CSMD1: variants seen among roughly 807,000 people sequenced by gnomAD.
CSMD1 encodes CUB and sushi domain-containing protein 1.
Under a neutral mutation model 417.5 loss-of-function variants are expected in CSMD1, and 213 were observed. That is an observed-to-expected ratio of 0.51 (90% CI 0.46 to 0.57). The LOEUF (loss-of-function observed/expected upper bound fraction) is 0.57. Among genes scored for constraint, CSMD1 ranks in the 20% least tolerant of loss-of-function variants. The pLI is 0.00. For missense variants in CSMD1, 6,923 were observed against 4,529.7 expected (o/e 1.53, Z -15.17); for synonymous variants, 2,862 against 1,736.8 (o/e 1.65, Z -16.11).
chr8:4,415,664 T>G (rs1460798377), intron 3 of CSMD1, among the ~76,000 whole-genome samples: 1 of 152,220 alleles, frequency 6.6e-6, no homozygotes, highest in Non-Finnish European at 1.5e-5. Context: ...CTTAACTCAG[T>G]ATTGTGTCTC....
chr8:3,176,114 G>T (rs1011163710), intron 37 of CSMD1, among the ~76,000 whole-genome samples: 1 of 152,136 alleles, frequency 6.6e-6, no homozygotes, highest in African/African-American at 2.4e-5. Flanking sequence ...ACAGAAATAC[G>T]TATAAGCTGA....
chr8:4,347,154 A>T (rs1800819885), intron 3 of CSMD1, among the ~76,000 whole-genome samples: 1 of 152,132 alleles, frequency 6.6e-6, no homozygotes, highest in South Asian at 2.1e-4. Context: ...TGGTGTGACA[A>T]CTGGGATCGG....
At chr8:3,107,904 C>T (rs762783632) in intron 44 of CSMD1, 106 bp from the exon 45 acceptor site, 76 of 694,222 alleles carry the variant, frequency 1.1e-4, no homozygotes, top group South Asian at 2.7e-4. Flanking sequence ...CTTAAGTACA[C>T]GGACTGAAAT....
intron 7 of CSMD1, among the ~76,000 whole-genome samples, chr8:3,623,094 A>T (rs914172166): frequency 6.6e-6 from 1 of 152,244 alleles, no homozygotes; most frequent in Non-Finnish European, 1.5e-5. Context: ...ATTAATATTA[A>T]AGAAAGATAT....
intron 57 of CSMD1, among the ~76,000 whole-genome samples, chr8:2,970,690 A>T (rs1368187585): frequency 6.6e-6 from 1 of 152,220 alleles, no homozygotes; most frequent in Non-Finnish European, 1.5e-5. Context: ...CTTTGTGATC[A>T]CTACATAGAA....
chr8:3,056,053 T>C (rs562266768), intron 49 of CSMD1, among the ~76,000 whole-genome samples: 5 of 152,390 alleles, frequency 3.3e-5, no homozygotes, highest in Admixed American at 6.5e-5. Context: ...GAATATGTTT[T>C]GTATTACACA....
intron 8 of CSMD1, among the ~76,000 whole-genome samples, chr8:3,597,986 A>G (rs1801174020): frequency 6.6e-6 from 1 of 152,230 alleles, no homozygotes. Context: ...AAGGTATATT[A>G]AAAAGTTTTT....
chr8:3,012,778 C>CT (rs1808501782), intron 52 of CSMD1, among the ~76,000 whole-genome samples: 1 of 152,158 alleles, frequency 6.6e-6, no homozygotes, highest in African/African-American at 2.4e-5. Context: ...TCCAAAAGCT[C>CT]TCTTTCTCTG....
chr8:4,346,060 T>C (rs997171470), intron 3 of CSMD1, among the ~76,000 whole-genome samples: 13 of 152,142 alleles, frequency 8.5e-5, no homozygotes, highest in Admixed American at 6.6e-5. Context: ...TCATGGTCCA[T>C]GTGCTGGCAT....
chr8:4,103,550 G>A (rs926622631), intron 3 of CSMD1, among the ~76,000 whole-genome samples: 2 of 151,838 alleles, frequency 1.3e-5, no homozygotes, highest in Non-Finnish European at 2.9e-5. Context: ...AAAACTGACT[G>A]CATCAAAGTT....
chr8:3,170,406 C>T lies in CSMD1; in HGVS notation c.5726-8129G>A, dbSNP rs1015000192. ...TGTATTTTTAGTAGAGACGGGGTTTCACTGTGTTAGCCAGGATGGTCTCGA... is the reference window on the plus strand; with the variant it reads ...TGTATTTTTAGTAGAGACGGGGTTTTACTGTGTTAGCCAGGATGGTCTCGA... On this transcript the variant is annotated intron_variant, in intron 37 of 69. Coordinates refer to ENST00000635120, the MANE Select transcript of CSMD1 (RefSeq NM_033225.6). Among the ~76,000 whole-genome samples, 20 of 152,120 alleles carry T rather than the reference C, an allele frequency of 1.3e-4. 1 individual carries two copies. Among genetic ancestry groups the T allele is most frequent in the Non-Finnish European group, 7.4e-5 (5 of 68,016 alleles).
chr8:4,709,892 C>A (rs1330187662), intron 1 of CSMD1, among the ~76,000 whole-genome samples: 1 of 152,144 alleles, frequency 6.6e-6, no homozygotes, highest in Non-Finnish European at 1.5e-5. Context: ...AAAGTAAACA[C>A]ATCTGAAATG....
intron 3 of CSMD1, among the ~76,000 whole-genome samples, chr8:4,069,137 T>C (rs1240740170): frequency 6.6e-6 from 1 of 152,204 alleles, no homozygotes; most frequent in Non-Finnish European, 1.5e-5. Context: ...TACAATATTG[T>C]TCATAGGAGA....
chr8:4,277,853 T>C (rs1453042966), intron 3 of CSMD1, among the ~76,000 whole-genome samples: 1 of 152,150 alleles, frequency 6.6e-6, no homozygotes, highest in Non-Finnish European at 1.5e-5. Context: ...GTTCACACCA[T>C]TCTCCTGCCT....
chr8:4,568,951 C>G lies in CSMD1; in HGVS notation c.302+68391G>C, dbSNP rs750646687. On this transcript the variant is annotated intron_variant, in intron 2 of 69. Coordinates refer to ENST00000635120, the MANE Select transcript of CSMD1 (RefSeq NM_033225.6). ...GAAGTGTCTGTTCATATCCTTCACC[C>G]GCTTTTTGATGGGTTTTTTCTTGTA... 2.6e-5 allele frequency among the ~76,000 whole-genome samples: 4 copies of G among 152,214 alleles called. No homozygotes were observed. The East Asian group carries it at 7.7e-4, about 29-fold the overall frequency.
chr8:4,293,282 G>C (rs1309077856), intron 3 of CSMD1, among the ~76,000 whole-genome samples: 1 of 152,150 alleles, frequency 6.6e-6, no homozygotes, highest in Non-Finnish European at 1.5e-5. Context: ...GCTTGAAGCA[G>C]CAAATGAAAA....
chr8:3,618,103 G>A (rs572165060), intron 7 of CSMD1, among the ~76,000 whole-genome samples: 1 of 152,070 alleles, frequency 6.6e-6, no homozygotes, highest in Non-Finnish European at 1.5e-5. Flanking sequence ...CCAGGATCAA[G>A]CGATACTCCC....
chr8:4,071,985 T>C (rs1277544740), intron 3 of CSMD1, among the ~76,000 whole-genome samples: 3 of 152,186 alleles, frequency 2.0e-5, no homozygotes, highest in African/African-American at 7.2e-5. Flanking sequence ...CTTTCTGGGA[T>C]TCCTCCCTCA....
chr8:4,112,388 G>T (rs545930977), intron 3 of CSMD1, among the ~76,000 whole-genome samples: 2 of 152,282 alleles, frequency 1.3e-5, no homozygotes, highest in African/African-American at 2.4e-5. Context: ...GGAAGAAAAT[G>T]CCCTGACAAG....
Sources: gnomAD v4.1 joint callset for allele counts (sites outside exome capture counted in the v4.1 genomes callset) on GRCh38, gnomAD v4.1.1 for gene constraint, MANE v1.5 for transcripts, NCBI Gene and HGNC (gene_info 2026-07-23, HGNC 2026-07-21) for gene names.